The following MAGI2 variants were observed in gnomAD, a reference collection of about 807,000 sequenced individuals.
The protein encoded by MAGI2 is membrane associated guanylate kinase, WW and PDZ domain containing 2, also known as membrane-associated guanylate kinase, WW and PDZ domain-containing protein 2.
In MAGI2, 35 loss-of-function variants were observed where a neutral mutation model predicts 133.3. That is an observed-to-expected ratio of 0.26 (90% CI 0.20 to 0.35). MAGI2 has a LOEUF of 0.35. MAGI2 is among the 10% of genes least tolerant of loss of function. The pLI is 1.00. For synonymous variants in MAGI2, 729 were observed against 710.6 expected (o/e 1.03, Z -0.41); for missense variants, 1,636 against 1,863.4 (o/e 0.88, Z 2.25).
At chr7:78,376,647 T>A (rs1165422032) in intron 6 of MAGI2, among the ~76,000 whole-genome samples, 3 of 152,140 alleles carry the variant, frequency 2.0e-5, no homozygotes, top group Non-Finnish European at 2.9e-5. Flanking sequence ...ACAATTTTCT[T>A]GGCAGCTATT....
chr7:79,069,931 C>G (rs1205266311), intron 1 of MAGI2, among the ~76,000 whole-genome samples: 3 of 152,086 alleles, frequency 2.0e-5, no homozygotes, highest in Admixed American at 6.5e-5. Flanking sequence ...TAAATATTGG[C>G]CCCCACTCTC....
At chr7:78,750,812 T>C (rs1823384118) in intron 2 of MAGI2, among the ~76,000 whole-genome samples, 1 of 152,200 alleles carries the variant, frequency 6.6e-6, no homozygotes, top group Non-Finnish European at 1.5e-5. Flanking sequence ...TAAAGGTTTC[T>C]ATAATATGCT....
chr7:79,258,001 T>A (rs1458706670), intron 1 of MAGI2, among the ~76,000 whole-genome samples: 2 of 152,220 alleles, frequency 1.3e-5, no homozygotes, highest in Non-Finnish European at 2.9e-5. Flanking sequence ...CCTGACCTCA[T>A]GCATTTTTTT....
At chr7:78,141,450 G>A (rs891368271) in intron 16 of MAGI2, among the ~76,000 whole-genome samples, 9 of 152,112 alleles carry the variant, frequency 5.9e-5, no homozygotes, top group Admixed American at 5.9e-4. Flanking sequence ...ATGACAAGGT[G>A]TCCTTCAAAA....
intron 1 of MAGI2, among the ~76,000 whole-genome samples, chr7:79,314,832 G>A (rs1838578287): frequency 6.6e-6 from 1 of 152,148 alleles, no homozygotes; most frequent in African/African-American, 2.4e-5. Flanking sequence ...AATCAGAAAA[G>A]TTTTAGCTAT....
intron 1 of MAGI2, among the ~76,000 whole-genome samples, chr7:79,086,385 GA>G (rs1816492509): frequency 2.0e-5 from 3 of 151,834 alleles, no homozygotes; most frequent in Non-Finnish European, 4.4e-5. Context: ...CTATAGTTGT[GA>G]AGCTGATAAT....
intron 1 of MAGI2, among the ~76,000 whole-genome samples, chr7:79,008,352 T>C (rs1807675469): frequency 6.6e-6 from 1 of 152,168 alleles, no homozygotes; most frequent in Non-Finnish European, 1.5e-5. Flanking sequence ...AGCTTTGACA[T>C]AAACTGTAGC....
At chr7:78,776,592 G>A (rs1240547442) in intron 2 of MAGI2, among the ~76,000 whole-genome samples, 1 of 151,998 alleles carries the variant, frequency 6.6e-6, no homozygotes, top group African/African-American at 2.4e-5. Context: ...TATTTCCATG[G>A]AACATTTCTG....
At chr7:78,302,144 G>C (rs1189608298) in intron 9 of MAGI2, among the ~76,000 whole-genome samples, 8 of 152,118 alleles carry the variant, frequency 5.3e-5, no homozygotes, top group Non-Finnish European at 1.2e-4. Context: ...CAAAGTAGAA[G>C]CTCAATAAGT....
At chr7:78,373,742 C>G (rs988175093) in intron 6 of MAGI2, among the ~76,000 whole-genome samples, 1 of 151,970 alleles carries the variant, frequency 6.6e-6, no homozygotes, top group Non-Finnish European at 1.5e-5. Flanking sequence ...AACTCTTTTC[C>G]CCCTCCTTCC....
At chr7:78,670,365 G>A (rs1222139631) in intron 2 of MAGI2, among the ~76,000 whole-genome samples, 3 of 152,060 alleles carry the variant, frequency 2.0e-5, no homozygotes, top group African/African-American at 7.2e-5. Context: ...AACTTACAAG[G>A]GATGTGAAGG....
At chr7:78,701,982 T>C (rs1185161980) in intron 2 of MAGI2, among the ~76,000 whole-genome samples, 11 of 152,120 alleles carry the variant, frequency 7.2e-5, no homozygotes, top group African/African-American at 2.2e-4. Context: ...CTCCTGCTGA[T>C]GAATTCTCAT....
At chr7:79,170,227 T>G (rs758704500) in intron 1 of MAGI2, among the ~76,000 whole-genome samples, 1 of 140,738 alleles carries the variant, frequency 7.1e-6, no homozygotes, top group Non-Finnish European at 1.5e-5. Context: ...TAGCTCACTG[T>G]AACCTTAACC....
chr7:79,111,346 A>G lies in MAGI2; in HGVS notation c.302-104140T>C, dbSNP rs551064903. Among the ~76,000 whole-genome samples, 12 of 152,314 alleles carry G rather than the reference A, an allele frequency of 7.9e-5. No individual in the cohort carries two copies. The South Asian group carries it at 2.3e-3, about 29-fold the overall frequency. On this transcript the variant is annotated intron_variant, in intron 1 of 21. Coordinates refer to ENST00000354212, the MANE Select transcript of MAGI2 (RefSeq NM_012301.4). The stretch of plus-strand genomic sequence containing the variant: ...TCTCTTGACAAGCCTGATGATTTTG[A>G]ACCTTTCACTTTCATAGAGATATTA...
intron 1 of MAGI2, among the ~76,000 whole-genome samples, chr7:79,164,411 T>C (rs1013063772): frequency 6.6e-6 from 1 of 152,082 alleles, no homozygotes; most frequent in African/African-American, 2.4e-5. Context: ...TGGGGGAAAA[T>C]TTGTATCTGT....
At chr7:79,317,006 T>C (rs1345597819) in intron 1 of MAGI2, among the ~76,000 whole-genome samples, 7 of 150,076 alleles carry the variant, frequency 4.7e-5, no homozygotes, top group Non-Finnish European at 4.4e-5. Context: ...GTAGGGTTTT[T>C]TTTTTTCTTT....
intron 7 of MAGI2, chr7:78,359,264 C>G (rs1156849111): frequency 6.6e-6 from 1 of 152,154 alleles, no homozygotes; most frequent in Non-Finnish European, 1.5e-5. Flanking sequence ...TAACTCCCAC[C>G]TTCTCGTGCT....
chr7:78,538,881 C>G (rs146885189), intron 3 of MAGI2, among the ~76,000 whole-genome samples: 4,492 of 152,110 alleles, frequency 0.03, 101 homozygotes, highest in Non-Finnish European at 0.046. Flanking sequence ...ACAAAAAAAC[C>G]AAGATATTCA....
intron 9 of MAGI2, among the ~76,000 whole-genome samples, chr7:78,328,530 C>CACACACACACACA (rs10525463): frequency 0.017 from 2,155 of 124,536 alleles, 31 homozygotes; most frequent in African/African-American, 0.021. Flanking sequence ...CACACACACA[C>CACACACACACACA]CCCTCTCTCT....
Sources: gnomAD v4.1 joint callset for allele counts (sites outside exome capture counted in the v4.1 genomes callset) on GRCh38, gnomAD v4.1.1 for gene constraint, MANE v1.5 for transcripts, NCBI Gene and HGNC (gene_info 2026-07-23, HGNC 2026-07-21) for gene names.